CSMD1: variants seen among roughly 807,000 people sequenced by gnomAD.
CSMD1 encodes CUB and sushi domain-containing protein 1.
CSMD1 carries 213 observed loss-of-function variants against 417.5 expected under a neutral mutation model. The observed-to-expected ratio is 0.51, with a 90% CI of 0.46 to 0.57. The LOEUF (loss-of-function observed/expected upper bound fraction) is 0.57, where lower values mean the gene tolerates loss of function less well. CSMD1 is among the 20% of genes least tolerant of loss of function. CSMD1 has a pLI of 0.00. For synonymous variants in CSMD1, 2,862 were observed against 1,736.8 expected, an observed-to-expected ratio of 1.65 and a Z score of -16.11; for missense variants, 6,923 against 4,529.7, an observed-to-expected ratio of 1.53 and a Z score of -15.17.
In CSMD1 at chr8:3,655,692, T is replaced by A. The variant is rs1374871526; in HGVS notation, c.1010-38895A>T. On this transcript the variant is annotated intron_variant, in intron 7 of 69. Transcript: ENST00000635120. ...TTTTTTTTTTTTTTTAATCTTCCAC[T>A]GCTGTATATCCACCCATTCTAAATG... 2.0e-5 allele frequency among the ~76,000 whole-genome samples: 3 copies of A among 150,112 alleles called. No homozygotes were observed. In the East Asian group the frequency reaches 6.0e-4, roughly 30 times the overall value.
chr8:4,301,023 A>T (rs1471639948), intron 3 of CSMD1, among the ~76,000 whole-genome samples: 1 of 152,200 alleles, frequency 6.6e-6, no homozygotes, highest in Non-Finnish European at 1.5e-5. Context: ...TAGCAGCATG[A>T]TAAGATTAGG....
intron 3 of CSMD1, among the ~76,000 whole-genome samples, chr8:4,382,297 A>C (rs754038718): frequency 6.6e-6 from 1 of 152,216 alleles, no homozygotes; most frequent in Non-Finnish European, 1.5e-5. Flanking sequence ...TTCTTTATCC[A>C]GAAAAAAGAG....
chr8:4,015,026 A>G lies in CSMD1; in HGVS notation c.610+16879T>C, dbSNP rs189886907. On this transcript the variant is annotated intron_variant, in intron 4 of 69. Coordinates refer to ENST00000635120, the MANE Select transcript of CSMD1 (RefSeq NM_033225.6). The stretch of plus-strand genomic sequence containing the variant: ...ACGTAGACCAGGTTTACTAGAATCT[A>G]AGACTGATTTTTTTGAACAGTTTTA... 2.4e-3 allele frequency among the ~76,000 whole-genome samples: 370 copies of G among 152,302 alleles called. 2 individuals carry two copies. Among genetic ancestry groups the G allele is most frequent in the African/African-American group, 8.6e-3 (357 of 41,552 alleles).
At chr8:3,892,940 G>C (rs1433839999) in intron 5 of CSMD1, among the ~76,000 whole-genome samples, 7 of 147,632 alleles carry the variant, frequency 4.7e-5, no homozygotes, top group African/African-American at 1.5e-4. Flanking sequence ...TAACTTGAAG[G>C]AAGTTTTCTC....
At chr8:4,054,987 C>G (rs910926748) in intron 3 of CSMD1, among the ~76,000 whole-genome samples, 1 of 152,160 alleles carries the variant, frequency 6.6e-6, no homozygotes, top group African/African-American at 2.4e-5. Context: ...TAACAGCATA[C>G]AAAGAATGTC....
chr8:3,536,367 G>A (rs971168784), intron 10 of CSMD1, among the ~76,000 whole-genome samples: 3 of 152,222 alleles, frequency 2.0e-5, no homozygotes, highest in African/African-American at 7.2e-5. Context: ...GAGGGTGTCA[G>A]AATTCCATGA....
intron 12 of CSMD1, among the ~76,000 whole-genome samples, chr8:3,432,650 G>C (rs942088290): frequency 1.3e-5 from 2 of 151,774 alleles, no homozygotes; most frequent in Admixed American, 6.6e-5. Flanking sequence ...TGAGTAGCTG[G>C]GACTACAGGC....
chr8:3,539,375 G>C (rs993968358), intron 10 of CSMD1, among the ~76,000 whole-genome samples: 1 of 152,134 alleles, frequency 6.6e-6, no homozygotes, highest in East Asian at 1.9e-4. Flanking sequence ...TTTACTATAA[G>C]AAGTATATAC....
chr8:4,685,883 T>C (rs1259228341), intron 1 of CSMD1, among the ~76,000 whole-genome samples: 1 of 152,222 alleles, frequency 6.6e-6, no homozygotes, highest in East Asian at 1.9e-4. Context: ...CTTTGGGCCA[T>C]GGCCACCTTG....
intron 5 of CSMD1, among the ~76,000 whole-genome samples, chr8:3,839,970 G>T (rs138065789): frequency 1.3e-5 from 2 of 152,100 alleles, no homozygotes; most frequent in African/African-American, 4.8e-5. Context: ...GAAGCATTGG[G>T]TGAGATGTTG....
chr8:4,217,266 C>A (rs1383013161), intron 3 of CSMD1, among the ~76,000 whole-genome samples: 5 of 152,140 alleles, frequency 3.3e-5, no homozygotes, highest in African/African-American at 9.7e-5. Flanking sequence ...TTAGAATTTG[C>A]AGAAGTCTTT....
chr8:4,161,950 C>G lies in CSMD1; in HGVS notation c.416-129851G>C, dbSNP rs138735692. 1.4e-3 allele frequency among the ~76,000 whole-genome samples: 218 copies of G among 152,198 alleles called. 1 individual carries two copies. The highest frequency in any genetic ancestry group is 4.8e-3 in the African/African-American group (199 of 41,516). On this transcript the variant is annotated intron_variant, in intron 3 of 69. Transcript: ENST00000635120. Reference sequence around the variant, plus strand: ...GTTTAAATATTCAGTAAGTATAGTACACAACATACCTTTAAAATTAATTTC... The same window carrying G: ...GTTTAAATATTCAGTAAGTATAGTAGACAACATACCTTTAAAATTAATTTC...
rs547541595 is a variant in CSMD1, at chr8:4,822,696, T to C, written c.85+171636A>G. Reference sequence around the variant, plus strand: ...TTAAAATATAATTAGCCATATACAATGTTGTCTCTCCTATATGTAAGCTTT... The same window carrying C: ...TTAAAATATAATTAGCCATATACAACGTTGTCTCTCCTATATGTAAGCTTT... On this transcript the variant is annotated intron_variant, in intron 1 of 69. Transcript: ENST00000635120. Among the ~76,000 whole-genome samples the C allele has an allele frequency of 1.3e-4, 20 of 152,290 alleles. No homozygotes were observed. In the South Asian group the frequency reaches 3.5e-3, roughly 27 times the overall value.
intron 5 of CSMD1, among the ~76,000 whole-genome samples, chr8:3,908,482 C>T (rs766234923): frequency 6.6e-6 from 1 of 152,122 alleles, no homozygotes; most frequent in Admixed American, 6.5e-5. Context: ...CTTTACACAT[C>T]CAGTATCCCC....
intron 12 of CSMD1, among the ~76,000 whole-genome samples, chr8:3,428,882 TG>T (rs1563379390): frequency 6.6e-6 from 1 of 152,220 alleles, no homozygotes. Context: ...TCCTGTCATT[TG>T]CAGCAACACG....
intron 7 of CSMD1, among the ~76,000 whole-genome samples, chr8:3,656,423 G>A (rs578076645): frequency 6.6e-6 from 1 of 152,166 alleles, no homozygotes; most frequent in African/African-American, 2.4e-5. Context: ...CCTATACACA[G>A]CATTTCTTAT....
chr8:3,144,192 T>C (rs1231291008), intron 40 of CSMD1, among the ~76,000 whole-genome samples: 1 of 152,180 alleles, frequency 6.6e-6, no homozygotes, highest in East Asian at 1.9e-4. Context: ...AAATGTTAGA[T>C]GTTCTGTCTC....
At chr8:4,631,705 CTATTT>C (rs907571137) in intron 2 of CSMD1, among the ~76,000 whole-genome samples, 3 of 152,180 alleles carry the variant, frequency 2.0e-5, no homozygotes, top group Admixed American at 6.5e-5. Context: ...AAAACCTATT[CTATTT>C]TAACAACACT....
intron 1 of CSMD1, among the ~76,000 whole-genome samples, chr8:4,899,296 T>C (rs986989827): frequency 1.7e-4 from 26 of 151,668 alleles, no homozygotes; most frequent in Admixed American, 5.3e-4. Context: ...ATAACATTAT[T>C]GATAACATAA....
Sources: allele counts gnomAD v4.1 joint callset (sites outside exome capture counted in the v4.1 genomes callset), GRCh38; gene constraint gnomAD v4.1.1; transcripts MANE v1.5; gene names NCBI Gene and HGNC (gene_info 2026-07-23, HGNC 2026-07-21).